Variants in ALK observed in about 807,000 individuals in gnomAD.
ALK encodes the protein ALK tyrosine kinase receptor.
ALK carries 74 observed loss-of-function variants against 163.1 expected under a neutral mutation model. The ratio of observed to expected loss-of-function variants is 0.45; its 90% confidence interval spans 0.38 to 0.55. The LOEUF is 0.55. Ranked by LOEUF, ALK falls within the 20% of genes least tolerant of loss-of-function variation. ALK has a pLI of 0.00. For synonymous variants in ALK, 960 were observed against 843.2 expected (o/e 1.14, Z -2.40); for missense variants, 2,063 against 2,105.3 (o/e 0.98, Z 0.39).
At chr2:29,750,748 GGAAAGAGA>G (rs1270918539) in intron 1 of ALK, among the ~76,000 whole-genome samples, 1 of 148,742 alleles carries the variant, frequency 6.7e-6, no homozygotes, top group Admixed American at 6.7e-5. Flanking sequence ...AGGGAGGGAG[GGAAAGAGA>G]GAAAGAGAAA....
chr2:29,722,776 A>G (rs949653159), intron 1 of ALK, among the ~76,000 whole-genome samples: 3 of 152,172 alleles, frequency 2.0e-5, no homozygotes, highest in African/African-American at 7.2e-5. Flanking sequence ...TCTCCACTTT[A>G]TTGCCCAATA....
chr2:29,472,345 T>A (rs1671366982), intron 4 of ALK, among the ~76,000 whole-genome samples: 1 of 152,190 alleles, frequency 6.6e-6, no homozygotes, highest in South Asian at 2.1e-4. Context: ...ATCCACAAAA[T>A]CTGTGAGTGT....
At chr2:29,717,817 T>C (rs143092633) in intron 1 of ALK, 120 bp from the exon 2 acceptor site, 6 of 1,383,396 alleles carry the variant, frequency 4.3e-6, no homozygotes, top group Admixed American at 1.7e-5. Context: ...ATCGGGAAGA[T>C]GAGGGGGAAA....
chr2:29,732,705 C>A (rs1679778377), intron 1 of ALK, among the ~76,000 whole-genome samples: 1 of 152,032 alleles, frequency 6.6e-6, no homozygotes, highest in African/African-American at 2.4e-5. Flanking sequence ...GGGATTAGTG[C>A]CCACAGAAAA....
chr2:29,548,097 A>G (rs534699675), intron 3 of ALK, among the ~76,000 whole-genome samples: 10 of 152,312 alleles, frequency 6.6e-5, no homozygotes, highest in Admixed American at 4.6e-4. Context: ...CTTGCCTAGA[A>G]TATGAACATA....
At chr2:29,316,982 T>A (rs1451735333) in intron 8 of ALK, among the ~76,000 whole-genome samples, 1 of 152,242 alleles carries the variant, frequency 6.6e-6, no homozygotes, top group East Asian at 1.9e-4. Flanking sequence ...AGCCTTGGTT[T>A]TAATTTAACC....
chr2:29,343,352 G>C (rs1399279850), intron 5 of ALK, among the ~76,000 whole-genome samples: 1 of 148,646 alleles, frequency 6.7e-6, no homozygotes, highest in Non-Finnish European at 1.5e-5. Context: ...TGGATCACAG[G>C]TGTGTGTCAC....
At chr2:29,240,760 C>T (rs1558633849) in intron 12 of ALK, among the ~76,000 whole-genome samples, 1 of 152,088 alleles carries the variant, frequency 6.6e-6, no homozygotes, top group African/African-American at 2.4e-5. Context: ...ATCAGAAGAG[C>T]GGCATGTCTT....
At chr2:29,556,317 T>A (rs1407047682) in intron 3 of ALK, among the ~76,000 whole-genome samples, 1 of 152,198 alleles carries the variant, frequency 6.6e-6, no homozygotes, top group Non-Finnish European at 1.5e-5. Flanking sequence ...TGTAGAACTA[T>A]GGAGAAGTCT....
intron 5 of ALK, among the ~76,000 whole-genome samples, chr2:29,330,921 A>G (rs1482969424): frequency 6.6e-6 from 1 of 152,164 alleles, no homozygotes; most frequent in Non-Finnish European, 1.5e-5. Context: ...CAGTGAAACT[A>G]ATTTCATACT....
intron 4 of ALK, among the ~76,000 whole-genome samples, chr2:29,522,247 C>A (rs937968446): frequency 5.3e-5 from 8 of 152,194 alleles, no homozygotes; most frequent in African/African-American, 1.9e-4. Context: ...CCTCACTGAG[C>A]CTCAGCTTCC....
At chr2:29,849,754 T>C (rs112470955) in intron 1 of ALK, among the ~76,000 whole-genome samples, 1,917 of 152,056 alleles carry the variant, frequency 0.013, 18 homozygotes, top group Middle Eastern at 0.031. Context: ...TGGTGTCCCT[T>C]AGCTTAGGCC....
intron 2 of ALK, among the ~76,000 whole-genome samples, chr2:29,716,342 A>C (rs1425596321): frequency 6.6e-6 from 1 of 152,250 alleles, no homozygotes; most frequent in Non-Finnish European, 1.5e-5. Flanking sequence ...GGCTTTATGC[A>C]TATCTTCCAT....
intron 4 of ALK, among the ~76,000 whole-genome samples, chr2:29,423,902 T>TA (rs1215843157): frequency 1.3e-5 from 2 of 152,192 alleles, no homozygotes; most frequent in African/African-American, 4.8e-5. Context: ...ACAATACAGA[T>TA]AAGCCTAGCA....
intron 4 of ALK, among the ~76,000 whole-genome samples, chr2:29,415,544 C>T (rs1412667528): frequency 6.6e-6 from 1 of 152,150 alleles, no homozygotes; most frequent in Non-Finnish European, 1.5e-5. Context: ...AGTGCTGCTT[C>T]AATCCATTAG....
At chr2:29,335,213 T>A (rs1422133876) in intron 5 of ALK, among the ~76,000 whole-genome samples, 1 of 152,202 alleles carries the variant, frequency 6.6e-6, no homozygotes, top group Non-Finnish European at 1.5e-5. Context: ...ATCAAGCCAC[T>A]CTGGGAAGAG....
intron 3 of ALK, among the ~76,000 whole-genome samples, chr2:29,686,086 C>G (rs1276133731): frequency 6.6e-6 from 1 of 152,192 alleles, no homozygotes; most frequent in African/African-American, 2.4e-5. Context: ...CTGCAAAGTC[C>G]CTTTTGCCCT....
intron 9 of ALK, among the ~76,000 whole-genome samples, chr2:29,283,973 A>T (rs368273391): frequency 1.3e-5 from 2 of 152,138 alleles, no homozygotes; most frequent in African/African-American, 4.8e-5. Flanking sequence ...TCAGTCAGTG[A>T]TGTGATTCAC....
chr2:29,911,829 G>A (rs1667711124), intron 1 of ALK, among the ~76,000 whole-genome samples: 2 of 152,204 alleles, frequency 1.3e-5, no homozygotes, highest in African/African-American at 4.8e-5. Flanking sequence ...AGATCATCCA[G>A]ATGTTGGAAT....
Sources: gnomAD v4.1 joint callset for allele counts (sites outside exome capture counted in the v4.1 genomes callset) on GRCh38, gnomAD v4.1.1 for gene constraint, MANE v1.5 for transcripts, NCBI Gene and HGNC (gene_info 2026-07-23, HGNC 2026-07-21) for gene names.